Variants in STAG1 observed in about 807,000 individuals in gnomAD.
STAG1 encodes the protein STAG1 cohesin complex component, also known as cohesin subunit SA-1.
In STAG1, 26 loss-of-function variants were observed where a neutral mutation model predicts 170.9. The ratio of observed to expected loss-of-function variants is 0.15; its 90% CI spans 0.11 to 0.21. The LOEUF (loss-of-function observed/expected upper bound fraction) is 0.21, where lower values mean the gene tolerates loss of function less well. Ranked by LOEUF, STAG1 falls within the 10% of genes least tolerant of loss-of-function variation. The pLI is 1.00. For missense variants in STAG1, 964 were observed against 1,509.5 expected (o/e 0.64, Z 5.99); for synonymous variants, 514 against 497.7 (o/e 1.03, Z -0.44).
chr3:136,551,198 T>TGAGAGAGAGAGAGAGGGAGA (rs200132855), intron 5 of STAG1, among the ~76,000 whole-genome samples: 1 of 43,156 alleles, frequency 2.3e-5, no homozygotes, highest in African/African-American at 1.2e-4. Flanking sequence ...AGAGAGAGGT[T>TGAGAGAGAGAGAGAGGGAGA]GAGAGAGAGT....
At chr3:136,670,872 T>C (rs917512504) in intron 1 of STAG1, among the ~76,000 whole-genome samples, 9 of 152,224 alleles carry the variant, frequency 5.9e-5, no homozygotes, top group Non-Finnish European at 1.0e-4. Flanking sequence ...ATTTCAATAA[T>C]GGATGTATTT....
At chr3:136,497,604 G>T (rs924261124) in intron 9 of STAG1, among the ~76,000 whole-genome samples, 2 of 152,096 alleles carry the variant, frequency 1.3e-5, no homozygotes, top group Non-Finnish European at 2.9e-5. Flanking sequence ...ACTTTGGGAG[G>T]CCGAGGCGGG....
intron 2 of STAG1, among the ~76,000 whole-genome samples, chr3:136,624,906 T>TAA (rs900402642): frequency 1.3e-5 from 2 of 152,208 alleles, no homozygotes; most frequent in African/African-American, 2.4e-5. Context: ...GCATAAATAG[T>TAA]AACATGAAAT....
At chr3:136,632,582 G>GA (rs1940373552) in intron 1 of STAG1, among the ~76,000 whole-genome samples, 1 of 152,134 alleles carries the variant, frequency 6.6e-6, no homozygotes, top group East Asian at 1.9e-4. Flanking sequence ...TCTGGGGTAA[G>GA]AGACAGCATA....
At chr3:136,549,594 C>T (rs1169739639) in intron 5 of STAG1, among the ~76,000 whole-genome samples, 3 of 152,050 alleles carry the variant, frequency 2.0e-5, no homozygotes, top group Non-Finnish European at 4.4e-5. Context: ...AGCCACCATG[C>T]CCAGCCTGGT....
At chr3:136,640,368 CTTT>C (rs1046414006) in intron 1 of STAG1, among the ~76,000 whole-genome samples, 2 of 140,404 alleles carry the variant, frequency 1.4e-5, no homozygotes, top group Non-Finnish European at 1.6e-5. Context: ...CATTAGATAA[CTTT>C]TTTTTTTTTT....
In STAG1 at chr3:136,473,554, G is replaced by T; in HGVS notation, c.1110C>A (p.Phe370Leu). 1 of 1,610,192 alleles carries T rather than the reference G, an allele frequency of 6.2e-7. No homozygotes were observed. The highest frequency in any genetic ancestry group is 1.1e-5 in the South Asian group (1 of 90,612). The change falls in exon 11 of 34, where the codon TTC becomes TTA. Residue 370 changes from phenylalanine (F) to leucine (L), a missense_variant. This residue lies in a region of STAG1 where 162 missense variants were observed against 211.2 expected (regional missense o/e 0.77). Transcript: ENST00000383202. ...NRELFPKLEL[F>L]TNRFKDRIVS... ...TGATGCTTACCTTGAATCGGTTAGT[G>T]AATAGTTCCAATTTGGGGAATAATT... is the stretch of plus-strand genomic sequence containing the variant.
At chr3:136,394,289 T>A (rs908269398) in intron 22 of STAG1, among the ~76,000 whole-genome samples, 1 of 152,230 alleles carries the variant, frequency 6.6e-6, no homozygotes, top group African/African-American at 2.4e-5. Context: ...TTTAAAATTA[T>A]AGACAGAACT....
intron 28 of STAG1, among the ~76,000 whole-genome samples, chr3:136,354,294 G>A (rs1191604827): frequency 6.6e-6 from 1 of 152,144 alleles, no homozygotes; most frequent in Non-Finnish European, 1.5e-5. Context: ...TAGACCTTAG[G>A]TAAATTTTGT....
At chr3:136,372,222 T>C (rs1937380122) in intron 23 of STAG1, among the ~76,000 whole-genome samples, 1 of 152,252 alleles carries the variant, frequency 6.6e-6, no homozygotes, top group African/African-American at 2.4e-5. Context: ...TTGCTGAAGC[T>C]GCTTATCAGC....
chr3:136,513,259 G>A (rs1934168019), intron 7 of STAG1, among the ~76,000 whole-genome samples: 1 of 151,972 alleles, frequency 6.6e-6, no homozygotes, highest in Admixed American at 6.6e-5. Flanking sequence ...GGAGGCTGAG[G>A]TCGGAGAGTA....
chr3:136,675,579 C>G (rs927140990), intron 1 of STAG1, among the ~76,000 whole-genome samples: 1 of 152,098 alleles, frequency 6.6e-6, no homozygotes, highest in Non-Finnish European at 1.5e-5. Flanking sequence ...TAAAATTCAC[C>G]CTTTCAAACT....
In STAG1 at chr3:136,670,133, G is replaced by T. The variant is rs76929438; in HGVS notation, c.-83-39152C>A. Among the ~76,000 whole-genome samples the T allele has an allele frequency of 1.3e-3, 203 of 152,276 alleles. 3 individuals are homozygous for T. In the East Asian group the frequency reaches 0.022, roughly 17 times the overall value. On this transcript the variant is annotated intron_variant, in intron 1 of 33. Transcript: ENST00000383202. Reference sequence around the variant, plus strand: ...AGTCAAGTTATTCACTAATCATTTTGATATTATAGAATCATCCAATATTAG... The same window carrying T: ...AGTCAAGTTATTCACTAATCATTTTTATATTATAGAATCATCCAATATTAG...
At chr3:136,527,812 C>T (rs1413037390) in intron 6 of STAG1, among the ~76,000 whole-genome samples, 3 of 152,098 alleles carry the variant, frequency 2.0e-5, no homozygotes, top group African/African-American at 4.8e-5. Flanking sequence ...CAGTCAAGAC[C>T]CTCAGCTGCA....
At chr3:136,666,690 G>A (rs745801959) in intron 1 of STAG1, among the ~76,000 whole-genome samples, 3 of 151,916 alleles carry the variant, frequency 2.0e-5, no homozygotes, top group Non-Finnish European at 4.4e-5. Context: ...CATGGTGGTG[G>A]GCACCTGTAA....
Position 136,422,867 on chromosome 3 carries a change from GA to G in STAG1, c.1744-11del. 1 of 1,599,520 alleles carries G rather than the reference GA, an allele frequency of 6.3e-7. No individual in the cohort carries two copies. Among genetic ancestry groups the G allele is most frequent in the Non-Finnish European group, 8.5e-7 (1 of 1,175,270 alleles). ...CTGCATCTGCAGAATACTAGAAGGA[GA>G]AGCAAAGAAAAAGACAGTAACTACT... is the stretch of plus-strand genomic sequence containing the variant. On this transcript the variant is annotated splice_polypyrimidine_tract_variant and intron_variant, in intron 17 of 33. Transcript: ENST00000383202.
chr3:136,418,968 C>T (rs2087864595), intron 20 of STAG1, among the ~76,000 whole-genome samples: 1 of 152,026 alleles, frequency 6.6e-6, no homozygotes, highest in African/African-American at 2.4e-5. Flanking sequence ...TAAAGAACTC[C>T]ATTTACAATT....
At chr3:136,367,861 C>T (rs940773288) in intron 24 of STAG1, among the ~76,000 whole-genome samples, 2 of 152,128 alleles carry the variant, frequency 1.3e-5, no homozygotes, top group African/African-American at 4.8e-5. Flanking sequence ...AAGTTCCAGA[C>T]CCCACTGGGG....
chr3:136,399,815 T>C (rs1004864292), intron 21 of STAG1, among the ~76,000 whole-genome samples: 1 of 152,242 alleles, frequency 6.6e-6, no homozygotes, highest in African/African-American at 2.4e-5. Context: ...GTTATATCTC[T>C]CAATACTATC....
Sources: gnomAD v4.1 joint callset for allele counts (sites outside exome capture counted in the v4.1 genomes callset) on GRCh38, gnomAD v4.1.1 for gene constraint, gnomAD v4.1.1 regional missense constraint, MANE v1.5 for transcripts, NCBI Gene and HGNC (gene_info 2026-07-23, HGNC 2026-07-21) for gene names.